SIGLEC1: variants seen among roughly 807,000 people sequenced by gnomAD.
The protein encoded by SIGLEC1 is sialoadhesin.
SIGLEC1 carries 132 observed loss-of-function variants against 148.0 expected under a neutral mutation model. That is an observed-to-expected ratio of 0.89 (90% confidence interval 0.77 to 1.03). The LOEUF (loss-of-function observed/expected upper bound fraction) is 1.03. Ranked by LOEUF, SIGLEC1 falls within the 50% of genes least tolerant of loss-of-function variation. The probability of loss-of-function intolerance (pLI) is 0.00; values close to 1 mark genes in which losing one functional copy is unlikely to be tolerated. For synonymous variants in SIGLEC1, 945 were observed against 969.0 expected, an observed-to-expected ratio of 0.98 and a Z score of 0.46; for missense variants, 2,253 against 2,271.4, an observed-to-expected ratio of 0.99 and a Z score of 0.16.
chr20:3,700,820 C>A (rs748998335), intron 7 of SIGLEC1, among the ~76,000 whole-genome samples: 1 of 151,686 alleles, frequency 6.6e-6, no homozygotes, highest in Non-Finnish European at 1.5e-5. Context: ...CCTGCCTTAG[C>A]CTCCCAGGTA....
rs770242755 is a variant in SIGLEC1 at position 3,703,972 on chromosome 20, A to T, written c.826T>A (p.Trp276Arg). 1.9e-5 allele frequency: 31 copies of T among 1,612,250 alleles called. No individual in the cohort carries two copies. The highest frequency in any genetic ancestry group is 2.6e-5 in the Non-Finnish European group (31 of 1,178,832). ...SSYPAVSSIKWLKDGVRLQTK... is the reference protein window; with the variant it reads ...SSYPAVSSIKRLKDGVRLQTK... Reference sequence around the variant, plus strand: ...TGGAGGCGTACCCCATCCTTGAGCCACTTAATGGAACTGACTGCAGGGTAG... The same window carrying T: ...TGGAGGCGTACCCCATCCTTGAGCCTCTTAATGGAACTGACTGCAGGGTAG... Residue 276 changes from tryptophan (W) to arginine (R), a missense_variant, in exon 5 of 22, where the codon TGG becomes AGG. By Grantham distance (101) the Trp-to-Arg change is moderately radical (BLOSUM62 -3). Transcript: ENST00000344754.
intron 19 of SIGLEC1, 91 bp from the exon 20 acceptor site, chr20:3,689,793 C>T: frequency 7.6e-7 from 1 of 1,309,734 alleles, no homozygotes; most frequent in Non-Finnish European, 1.1e-6. Context: ...CACCTTCTAA[C>T]TTTTGCTTTA....
intron 7 of SIGLEC1, 26 bp downstream of exon 7, chr20:3,701,316 T>A (rs1286785034): frequency 6.3e-7 from 1 of 1,578,000 alleles, no homozygotes; most frequent in Admixed American, 1.7e-5. Flanking sequence ...CCCTCCACTC[T>A]CCCTGGCTGC....
chr20:3,694,830 G>T lies in SIGLEC1; in HGVS notation c.2777C>A (p.Thr926Asn). 6.2e-7 allele frequency: 1 copy of T among 1,613,518 alleles called. No individual in the cohort carries two copies. The highest frequency in any genetic ancestry group is 1.1e-5 in the South Asian group (1 of 91,086). Residue 926 changes from threonine (T) to asparagine (N), a missense_variant, in exon 12 of 22, where the codon ACC becomes AAC. Coordinates refer to ENST00000344754, the MANE Select transcript of SIGLEC1 (RefSeq NM_023068.4). Reference protein sequence around the residue: ...CQVHTGVPEGTSYRWYRDGQP... With the variant: ...CQVHTGVPEGNSYRWYRDGQP... The stretch of plus-strand genomic sequence containing the variant: ...GCCATCCCGATACCAACGATATGAG[G>T]TCCCCTCTGGGACTCCTGTGTGTAC...
At chr20:3,708,799 G>A (rs2087912863) in intron 1 of SIGLEC1, among the ~76,000 whole-genome samples, 1 of 151,592 alleles carries the variant, frequency 6.6e-6, no homozygotes, top group South Asian at 2.1e-4. Context: ...TGTAATCCCA[G>A]CACTTTGGGA....
In SIGLEC1 at chr20:3,707,201, C is replaced by G; in HGVS notation, c.-73G>C. On this transcript the variant is annotated 5_prime_UTR_variant, in exon 2 of 22. Transcript: ENST00000344754. ...GCGCTGGCTGGGCTCACAGGGGCCT[C>G]CAGGGACACCTCTGGGCACTTTAGC... The G allele has an allele frequency of 1.4e-6, 2 of 1,400,432 alleles. No individual in the cohort carries two copies. Among genetic ancestry groups the G allele is most frequent in the Non-Finnish European group, 2.0e-6 (2 of 991,318 alleles). 86.8% of individuals were successfully genotyped at this position (1,400,432 alleles called of 1,614,324 possible).
chr20:3,699,531 T>A, intron 7 of SIGLEC1, 72 bp from the exon 8 acceptor site: 1 of 1,529,826 alleles, frequency 6.5e-7, no homozygotes, highest in South Asian at 1.2e-5. Context: ...TAGAAAGCCT[T>A]CCAGGGTTCT....
Position 3,691,933 on chromosome 20 carries a change from T to C in SIGLEC1, c.4300A>G (p.Ile1434Val). Residue 1434 changes from isoleucine (I) to valine (V), a missense_variant, in exon 17 of 22, where the codon ATC (isoleucine) becomes GTC (valine). Physicochemically the swap from Ile to Val is conservative, Grantham distance 29 (BLOSUM62 3). Transcript: ENST00000344754. ...ACCTGCAACCGCCCGATGGTGCTGA[T>C]TGAGCCCAGCAAGTTTTGGGCTGTG... ...VCTAQNLLGSISTIGRLQVEG... is the reference protein window; with the variant it reads ...VCTAQNLLGSVSTIGRLQVEG... 6.3e-7 allele frequency: 1 copy of C among 1,592,264 alleles called. No homozygotes were observed. Among genetic ancestry groups the C allele is most frequent in the Non-Finnish European group, 8.6e-7 (1 of 1,163,768 alleles).
Position 3,706,036 on chromosome 20 carries a change from C to A in SIGLEC1, c.414G>T (p.Glu138Asp), listed in dbSNP as rs1336156909. ...GGGAGGCAATGGTGGGCACCCTGGG[C>A]TCCTCTGAGGACAGAGACAGCAGTG... ...VKGTLVTVTE[E>D]PRVPTIASPV... is the part of the protein sequence containing the mutation. Residue 138 changes from glutamate to aspartate, a missense_variant, in exon 4 of 22, where the codon GAG becomes GAT. By Grantham distance (45) the Glu-to-Asp change is conservative (BLOSUM62 2). Transcript: ENST00000344754. 1 of 1,612,328 alleles carries A rather than the reference C, an allele frequency of 6.2e-7. No homozygotes were observed. Among genetic ancestry groups the A allele is most frequent in the Non-Finnish European group, 8.5e-7 (1 of 1,179,544 alleles).
chr20:3,694,822 G>T lies in SIGLEC1; in HGVS notation c.2785C>A (p.Arg929Ser), dbSNP rs138170063. 5 of 1,613,424 alleles carry T rather than the reference G, an allele frequency of 3.1e-6. No individual in the cohort carries two copies. Among genetic ancestry groups the T allele is most frequent in the Non-Finnish European group, 2.5e-6 (3 of 1,179,994 alleles). The change falls in exon 12 of 22, where the codon CGT (arginine) becomes AGT (serine). Residue 929 changes from arginine (R) to serine (S), a missense_variant. Arg to Ser is a moderately radical substitution (Grantham distance 110). Transcript: ENST00000344754. ...AGGGGCTGGCCATCCCGATACCAAC[G>T]ATATGAGGTCCCCTCTGGGACTCCT... The part of the protein sequence containing the change: ...HTGVPEGTSY[R>S]WYRDGQPLQE...
At position 3,703,460 on chromosome 20, in the gene SIGLEC1, G is replaced by C. The variant is rs776661627; in HGVS notation, c.974-9C>G. The C allele has an allele frequency of 1.3e-6, 2 of 1,560,874 alleles. No individual in the cohort carries two copies. The highest frequency in any genetic ancestry group is 1.7e-6 in the Non-Finnish European group (2 of 1,151,284). ...CACCTGGACCTCAGCCACTGCAAGGGCAGCATAGGGAGTGCTGGGGGGTCC... is the reference window on the plus strand; with the variant it reads ...CACCTGGACCTCAGCCACTGCAAGGCCAGCATAGGGAGTGCTGGGGGGTCC... On this transcript the variant is annotated splice_polypyrimidine_tract_variant and intron_variant, in intron 5 of 21. Coordinates refer to ENST00000344754, the MANE Select transcript of SIGLEC1 (RefSeq NM_023068.4).
rs768648440 is a variant in SIGLEC1, at chr20:3,701,350, T to C, written c.1520A>G (p.His507Arg). 4 of 1,608,126 alleles carry C rather than the reference T, an allele frequency of 2.5e-6. No homozygotes were observed. The highest frequency in any genetic ancestry group is 2.6e-6 in the Non-Finnish European group (3 of 1,176,104). Reference protein sequence around the residue: ...LGNATSTLDFHANAARLLISP... With the variant: ...LGNATSTLDFRANAARLLISP... Reference sequence around the variant, plus strand: ...GCCAGTGCCCATCTTACCATTGGCATGGAAGTCCAGGGTGGAGGTTGCATT... The same window carrying C: ...GCCAGTGCCCATCTTACCATTGGCACGGAAGTCCAGGGTGGAGGTTGCATT... The change falls in exon 7 of 22, where the codon CAT becomes CGT. Residue 507 changes from histidine (H) to arginine (R), a missense_variant. His to Arg is a conservative substitution (Grantham distance 29). Coordinates refer to ENST00000344754, the MANE Select transcript of SIGLEC1 (RefSeq NM_023068.4).
At position 3,689,661 on chromosome 20, in the gene SIGLEC1, G is replaced by A. The variant is rs200815011; in HGVS notation, c.4936C>T (p.Leu1646=). Residue 1646 remains leucine (L), a synonymous_variant, in exon 20 of 22, where the codon CTG becomes TTG. Transcript: ENST00000344754. Reference sequence around the variant, plus strand: ...AGCAGGAGGCCCACCAGCAGTCCCAGGACCCAGAGCAGCTGCTGGAACTGA... The same window carrying A: ...AGCAGGAGGCCCACCAGCAGTCCCAAGACCCAGAGCAGCTGCTGGAACTGA... ...LHQFQQLLWV[L]GLLVGLLLLL... is the part of the protein sequence containing the mutation. The A allele has an allele frequency of 4.3e-5, 68 of 1,590,612 alleles. No homozygotes were observed. The highest frequency in any genetic ancestry group is 1.8e-4 in the Middle Eastern group (1 of 5,536).
Position 3,691,363 on chromosome 20 carries a change from G to T in SIGLEC1, c.4568C>A (p.Ala1523Asp), listed in dbSNP as rs2088759804. 2.5e-6 allele frequency: 4 copies of T among 1,613,490 alleles called. No homozygotes were observed. The highest frequency in any genetic ancestry group is 3.4e-6 in the Non-Finnish European group (4 of 1,180,054). The change falls in exon 18 of 22, where the codon GCT (alanine) becomes GAT (aspartate). Residue 1523 changes from alanine (A) to aspartate (D), a missense_variant. Transcript: ENST00000344754. Reference sequence around the variant, plus strand: ...ACAGAGCACACGGAGCATGACTGGAGCAGAGGCAGCAGCCCCAGTGGGGAG... The same window carrying T: ...ACAGAGCACACGGAGCATGACTGGATCAGAGGCAGCAGCCCCAGTGGGGAG... ...AELPTGAAAS[A>D]PVMLRVLYPP...
In SIGLEC1 at chr20:3,696,692, C is replaced by G; in HGVS notation, c.2577G>C (p.Leu859=). 2 of 1,613,826 alleles carry G rather than the reference C, an allele frequency of 1.2e-6. No homozygotes were observed. The highest frequency in any genetic ancestry group is 1.7e-6 in the Non-Finnish European group (2 of 1,180,024). ...RFQAKAEANS[L]KLEVRELGLG... ...GGCCCAGTTCTCGGACCTCTAACTT[C>G]AGGGAGTTGGCCTCAGCTTTAGCCT... Residue 859 remains leucine, a synonymous_variant, in exon 11 of 22, where the codon CTG becomes CTC. Transcript: ENST00000344754.
In SIGLEC1 at chr20:3,689,597, C is replaced by G; in HGVS notation, c.4997+3G>C. 6.4e-7 allele frequency: 1 copy of G among 1,567,938 alleles called. No homozygotes were observed. Among genetic ancestry groups the G allele is most frequent in the South Asian group, 1.2e-5 (1 of 85,462 alleles). ...TCTGGCCCACTCCCAGCTCCAGACC[C>G]ACCTCCAGGTGTAGCAGGCCCCCAG... On this transcript the variant is annotated splice_donor_region_variant and intron_variant, in intron 20 of 21. Coordinates refer to ENST00000344754, the MANE Select transcript of SIGLEC1 (RefSeq NM_023068.4).
intron 18 of SIGLEC1, 46 bp downstream of exon 18, chr20:3,691,294 T>G: frequency 6.2e-7 from 1 of 1,603,796 alleles, no homozygotes; most frequent in Non-Finnish European, 8.5e-7. Flanking sequence ...GAGGTGGGCG[T>G]GTGAGATGTG....
chr20:3,708,423 T>G (rs902928844), intron 1 of SIGLEC1, among the ~76,000 whole-genome samples: 1 of 151,720 alleles, frequency 6.6e-6, no homozygotes, highest in Non-Finnish European at 1.5e-5. Context: ...TTCTTAAGTA[T>G]GAAATTAAAA....
At position 3,694,936 on chromosome 20, in the gene SIGLEC1, A is replaced by G. The variant is rs940818873; in HGVS notation, c.2684-13T>C. 2.5e-6 allele frequency: 4 copies of G among 1,605,862 alleles called. No individual in the cohort carries two copies. In the Admixed American group the frequency reaches 5.1e-5, roughly 20 times the overall value. On this transcript the variant is annotated splice_polypyrimidine_tract_variant and intron_variant, in intron 11 of 21. Coordinates refer to ENST00000344754, the MANE Select transcript of SIGLEC1 (RefSeq NM_023068.4). ...TGGACCCAGGCTCCTGCAGGGGAAA[A>G]CCAAGAGCAGGTGAGGGCTCTCCAC...
Sources: allele counts gnomAD v4.1 joint callset (sites outside exome capture counted in the v4.1 genomes callset), GRCh38; gene constraint gnomAD v4.1.1; transcripts MANE v1.5; gene names NCBI Gene and HGNC (gene_info 2026-07-23, HGNC 2026-07-21).